Variants in PHF12 observed in about 807,000 individuals in gnomAD.
PHF12 encodes PHD factor 1.
In PHF12, 6 loss-of-function variants were observed where a neutral mutation model predicts 99.8. That is an observed-to-expected ratio of 0.06 (90% CI 0.03 to 0.12). PHF12 has a LOEUF of 0.12. PHF12 is among the 10% of genes least tolerant of loss of function. The probability of loss-of-function intolerance (pLI) is 1.00; values close to 1 mark genes in which losing one functional copy is unlikely to be tolerated. For missense variants in PHF12, 954 were observed against 1,300.1 expected, an observed-to-expected ratio of 0.73 and a Z score of 4.09; for synonymous variants, 480 against 514.9, an observed-to-expected ratio of 0.93 and a Z score of 0.92.
chr17:28,947,901 A>T lies in PHF12; in HGVS notation c.248+2164T>A, dbSNP rs191603350. Reference sequence around the variant, plus strand: ...ATTCAATGCCTCAAAAAAAAAAAAAATTTCAATGAAATGCACAGTCTGGGC... The same window carrying T: ...ATTCAATGCCTCAAAAAAAAAAAAATTTTCAATGAAATGCACAGTCTGGGC... On this transcript the variant is annotated intron_variant, in intron 2 of 14. Transcript: ENST00000332830. Among the ~76,000 whole-genome samples the T allele has an allele frequency of 1.9e-3, 292 of 151,876 alleles. 1 individual carries two copies. Among genetic ancestry groups the T allele is most frequent in the Middle Eastern group, 3.4e-3 (1 of 294 alleles).
At position 28,924,019 on chromosome 17, in the gene PHF12, A is replaced by T. The variant is rs765425999; in HGVS notation, c.605T>A (p.Val202Glu). ...AAAGGGCCGCCTCAGCTGGGGCTGC[A>T]CATAGTCTGGCTCCGCTGCTACTGG... The part of the protein sequence containing the change: ...EEPVAAEPDY[V>E]QPQLRRPFEL... Residue 202 changes from valine (V) to glutamate (E), a missense_variant, in exon 4 of 15, where the codon GTG becomes GAG. Val to Glu is a moderately radical substitution (Grantham distance 121, BLOSUM62 -2). Around this residue, in one of 8 missense-constraint regions of PHF12, gnomAD observed 109 missense variants for 145.4 expected, o/e 0.75. Coordinates refer to ENST00000332830, the MANE Select transcript of PHF12 (RefSeq NM_001033561.2). The T allele has an allele frequency of 1.2e-6, 2 of 1,614,056 alleles. No homozygotes were observed.
At position 28,911,350 on chromosome 17, in the gene PHF12, T is replaced by G. The variant is rs774147615; in HGVS notation, c.2090-113A>C. ...CGGACCCAAGGTGATGTTCCCTTCT[T>G]GATTCTCAACCCATAGGCTCTGGAA... On this transcript the variant is annotated intron_variant, in intron 9 of 14. Coordinates refer to ENST00000332830, the MANE Select transcript of PHF12 (RefSeq NM_001033561.2). 3.5e-6 allele frequency: 5 copies of G among 1,434,096 alleles called. No homozygotes were observed. The East Asian group carries it at 1.2e-4, about 35-fold the overall frequency. 88.8% of individuals were successfully genotyped at this position (1,434,096 alleles called of 1,614,324 possible). A position where few individuals can be genotyped will look rare whatever the true frequency, so the allele number is the denominator to read the frequency against.
chr17:28,927,539 T>C (rs1379666730), intron 2 of PHF12, among the ~76,000 whole-genome samples: 1 of 152,234 alleles, frequency 6.6e-6, no homozygotes, highest in Non-Finnish European at 1.5e-5. Context: ...CATCCTTTCA[T>C]ACCTGCCTCA....
At chr17:28,948,264 C>A (rs2040751298) in intron 2 of PHF12, among the ~76,000 whole-genome samples, 1 of 152,168 alleles carries the variant, frequency 6.6e-6, no homozygotes, top group African/African-American at 2.4e-5. Flanking sequence ...ACAACTCAGT[C>A]CTGGTATACA....
chr17:28,933,682 C>T (rs937370837), intron 2 of PHF12, among the ~76,000 whole-genome samples: 9 of 152,152 alleles, frequency 5.9e-5, no homozygotes, highest in Admixed American at 4.6e-4. Context: ...GTACCCATGA[C>T]TTTCTCATCA....
At chr17:28,917,522 T>C in intron 6 of PHF12, 73 bp from the exon 7 acceptor site, 1 of 1,496,382 alleles carries the variant, frequency 6.7e-7, no homozygotes, top group South Asian at 1.3e-5. Context: ...CCCCATTCCC[T>C]GTGTTTAAAA....
rs114155694 is a variant in PHF12 at position 28,913,390 on chromosome 17, T to C, written c.1294-113A>G. 3.6e-3 allele frequency: 5,405 copies of C among 1,481,066 alleles called. 116 individuals carry two copies. In the African/African-American group the frequency reaches 0.054, roughly 15 times the overall value. 91.7% of individuals were successfully genotyped at this position (1,481,066 alleles called of 1,614,324 possible). A position where few individuals can be genotyped will look rare whatever the true frequency, so the allele number is the denominator to read the frequency against. ...ACAAGCAGTTTCCGAGGTCCCATCATGAATGCTCACAAAGGGTGTGCTTGA... is the reference window on the plus strand; with the variant it reads ...ACAAGCAGTTTCCGAGGTCCCATCACGAATGCTCACAAAGGGTGTGCTTGA... On this transcript the variant is annotated intron_variant, in intron 8 of 14. Coordinates refer to ENST00000332830, the MANE Select transcript of PHF12 (RefSeq NM_001033561.2).
intron 2 of PHF12, among the ~76,000 whole-genome samples, chr17:28,941,764 C>T (rs1026494460): frequency 2.9e-4 from 44 of 152,190 alleles, no homozygotes; most frequent in Admixed American, 1.9e-3. Context: ...TGCATCACCA[C>T]GCCCAGCTAA....
intron 6 of PHF12, among the ~76,000 whole-genome samples, chr17:28,918,149 G>T (rs2152662488): frequency 6.6e-6 from 1 of 152,344 alleles, no homozygotes; most frequent in South Asian, 2.1e-4. Context: ...TAATTCAAAA[G>T]AAAGGACCTG....
At chr17:28,908,167 A>G (rs1053908672) in intron 12 of PHF12, 1 of 160,814 alleles carries the variant, frequency 6.2e-6, no homozygotes, top group African/African-American at 2.4e-5. Context: ...TCTTTCAAAG[A>G]CCACCAGGGA....
At chr17:28,921,036 G>C (rs552785947) in intron 5 of PHF12, among the ~76,000 whole-genome samples, 1 of 151,792 alleles carries the variant, frequency 6.6e-6, no homozygotes, top group Non-Finnish European at 1.5e-5. Context: ...ACCATGCCCG[G>C]CTAATTTTTT....
At position 28,912,553 on chromosome 17, in the gene PHF12, G is replaced by T. The variant is rs760165491; in HGVS notation, c.2018C>A (p.Pro673Gln). The change falls in exon 9 of 15, where the codon CCG becomes CAG. Residue 673 changes from proline to glutamine, a missense_variant. Pro to Gln is a moderately conservative substitution (Grantham distance 76, BLOSUM62 -1). Coordinates refer to ENST00000332830, the MANE Select transcript of PHF12 (RefSeq NM_001033561.2). ...PPNATRVLTPPQAAGDGILAT... is the reference protein window; with the variant it reads ...PPNATRVLTPQQAAGDGILAT... ...CAAGATACCATCTCCTGCTGCTTGCGGGGGAGTGAGCACCCGGGTGGCGTT... is the reference window on the plus strand; with the variant it reads ...CAAGATACCATCTCCTGCTGCTTGCTGGGGAGTGAGCACCCGGGTGGCGTT... The T allele has an allele frequency of 2.5e-6, 4 of 1,613,754 alleles. No individual in the cohort carries two copies. Among genetic ancestry groups the T allele is most frequent in the Non-Finnish European group, 3.4e-6 (4 of 1,179,744 alleles).
intron 2 of PHF12, among the ~76,000 whole-genome samples, chr17:28,937,394 G>A (rs960086647): frequency 6.6e-6 from 1 of 152,120 alleles, no homozygotes; most frequent in African/African-American, 2.4e-5. Context: ...CCTGGCTACT[G>A]ACTCAAACAC....
chr17:28,948,496 C>G (rs1464882729), intron 2 of PHF12, among the ~76,000 whole-genome samples: 1 of 152,200 alleles, frequency 6.6e-6, no homozygotes, highest in African/African-American at 2.4e-5. Context: ...ACTTCCTCTA[C>G]GATAATCATT....
At position 28,950,684 on chromosome 17, in the gene PHF12, G is replaced by A; in HGVS notation, c.66+211C>T. 1 of 654,670 alleles carries A rather than the reference G, an allele frequency of 1.5e-6. No individual in the cohort carries two copies. Among genetic ancestry groups the A allele is most frequent in the Non-Finnish European group, 2.4e-6 (1 of 419,730 alleles). The allele number at this position is 654,670 out of a possible 1,614,324, so 40.6% of individuals were successfully genotyped here. A position where few individuals can be genotyped will look rare whatever the true frequency, so the allele number is the denominator to read the frequency against. On this transcript the variant is annotated intron_variant, in intron 1 of 14. Coordinates refer to ENST00000332830, the MANE Select transcript of PHF12 (RefSeq NM_001033561.2). The surrounding 1 kb of genome is among the most constrained non-coding windows in gnomAD (Gnocchi z 5.7). ...GGCTGGCGCCTCGGGAGAGCGAATC[G>A]AGGGCGGCGGGTAGGTGAAACTGCT... is the stretch of plus-strand genomic sequence containing the variant.
intron 7 of PHF12, among the ~76,000 whole-genome samples, chr17:28,916,071 T>C (rs1481382710): frequency 6.6e-6 from 1 of 152,282 alleles, no homozygotes. Flanking sequence ...TATTTGAATC[T>C]AGTTTTGGAA....
Position 28,906,003 on chromosome 17 carries a change from T to C in PHF12, c.*180A>G. 1 of 664,814 alleles carries C rather than the reference T, an allele frequency of 1.5e-6. No homozygotes were observed. Among genetic ancestry groups the C allele is most frequent in the Non-Finnish European group, 2.4e-6 (1 of 416,706 alleles). 41.2% of individuals were successfully genotyped at this position (664,814 alleles called of 1,614,324 possible). On this transcript the variant is annotated 3_prime_UTR_variant, in exon 15 of 15. Coordinates refer to ENST00000332830, the MANE Select transcript of PHF12 (RefSeq NM_001033561.2). The surrounding 1 kb of genome is among the most constrained non-coding windows in gnomAD (Gnocchi z 4.2). ...TATATGTGCAAATGCCCCCTAGAAC[T>C]TGAGAAAAGAAAAAGGATTTTTAAA...
intron 2 of PHF12, among the ~76,000 whole-genome samples, chr17:28,935,846 G>A (rs1253515285): frequency 1.3e-5 from 2 of 152,122 alleles, no homozygotes; most frequent in African/African-American, 4.8e-5. Flanking sequence ...CTCTACTGCT[G>A]AGAAGGTTAT....
chr17:28,912,200 G>C, intron 9 of PHF12: 1 of 1,260,190 alleles, frequency 7.9e-7, no homozygotes, highest in Non-Finnish European at 1.0e-6. Flanking sequence ...GGAAGGTATG[G>C]GATGGAGTCA....
Sources: allele counts gnomAD v4.1 joint callset (sites outside exome capture counted in the v4.1 genomes callset), GRCh38; gene constraint gnomAD v4.1.1; regional missense constraint gnomAD v4.1.1; non-coding constraint Gnocchi (gnomAD v3.1); transcripts MANE v1.5; gene names NCBI Gene and HGNC (gene_info 2026-07-23, HGNC 2026-07-21).